Variants in ARRB1 observed in about 807,000 individuals in gnomAD.
The protein encoded by ARRB1 is arrestin beta 1.
A neutral mutation model predicts 56.8 loss-of-function variants in ARRB1; 21 were observed. The ratio of observed to expected loss-of-function variants is 0.37; its 90% CI spans 0.26 to 0.53. ARRB1 has a LOEUF of 0.53. Ranked by LOEUF, ARRB1 falls within the 20% of genes least tolerant of loss-of-function variation. The pLI is 0.88. For synonymous variants in ARRB1, 210 were observed against 218.6 expected (o/e 0.96, Z 0.35); for missense variants, 424 against 553.7 (o/e 0.77, Z 2.35).
At chr11:75,319,867 G>A (rs1267595484) in intron 1 of ARRB1, among the ~76,000 whole-genome samples, 1 of 152,182 alleles carries the variant, frequency 6.6e-6, no homozygotes, top group Non-Finnish European at 1.5e-5. Flanking sequence ...GTGGTGGGGT[G>A]GAGGGTAGCC....
chr11:75,274,066 G>T lies in ARRB1; in HGVS notation c.914+8C>A. 1 of 1,614,138 alleles carries T rather than the reference G, an allele frequency of 6.2e-7. No individual in the cohort carries two copies. The highest frequency in any genetic ancestry group is 8.5e-7 in the Non-Finnish European group (1 of 1,179,974). On this transcript the variant is annotated splice_region_variant and intron_variant, in intron 11 of 15. Transcript: ENST00000420843. Reference sequence around the variant, plus strand: ...TAGGAGCCCAGGGCTAGGAGGGCAGGTCCTCACAGGGTGCTAGAGGCCAAG... The same window carrying T: ...TAGGAGCCCAGGGCTAGGAGGGCAGTTCCTCACAGGGTGCTAGAGGCCAAG...
At chr11:75,287,471 C>T in intron 2 of ARRB1, 96 bp from the exon 3 acceptor site, 1 of 1,244,002 alleles carries the variant, frequency 8.0e-7, no homozygotes, top group East Asian at 2.6e-5. Context: ...CTCTGAAACT[C>T]CAGACCCATC....
intron 1 of ARRB1, among the ~76,000 whole-genome samples, chr11:75,315,848 C>T (rs930930532): frequency 6.6e-6 from 1 of 152,220 alleles, no homozygotes; most frequent in Non-Finnish European, 1.5e-5. Flanking sequence ...GTCAGCAGGG[C>T]TAGAATTTAT....
chr11:75,278,235 TCA>T (rs1946244046), intron 8 of ARRB1, among the ~76,000 whole-genome samples: 1 of 152,136 alleles, frequency 6.6e-6, no homozygotes, highest in Non-Finnish European at 1.5e-5. Flanking sequence ...GCCCTGACGC[TCA>T]GTGTTTGGCA....
At chr11:75,278,114 CGA>C (rs1053250014) in intron 8 of ARRB1, among the ~76,000 whole-genome samples, 4 of 152,212 alleles carry the variant, frequency 2.6e-5, no homozygotes, top group African/African-American at 9.6e-5. Context: ...AGCCATGCCC[CGA>C]GAGAGAGGGG....
chr11:75,284,205 G>T (rs766361272), intron 4 of ARRB1, 30 bp downstream of exon 4: 33 of 1,590,982 alleles, frequency 2.1e-5, no homozygotes, highest in Non-Finnish European at 2.7e-5. Flanking sequence ...GGCGGCCCTT[G>T]ACAGGCTGGG....
intron 1 of ARRB1, among the ~76,000 whole-genome samples, chr11:75,316,602 C>T (rs996298095): frequency 3.9e-5 from 6 of 151,942 alleles, no homozygotes; most frequent in South Asian, 2.1e-4. Flanking sequence ...AACAGCACAA[C>T]GAGAGGGGCT....
intron 1 of ARRB1, among the ~76,000 whole-genome samples, chr11:75,344,954 A>G (rs1243915673): frequency 1.3e-5 from 2 of 152,154 alleles, no homozygotes; most frequent in African/African-American, 2.4e-5. Context: ...GAACCACTGA[A>G]TGGTTCAGAC....
intron 1 of ARRB1, among the ~76,000 whole-genome samples, chr11:75,336,129 G>T (rs1270158841): frequency 6.6e-6 from 1 of 152,148 alleles, no homozygotes; most frequent in Non-Finnish European, 1.5e-5. Context: ...AAGGCAGTGG[G>T]CAGGCACGCT....
At chr11:75,300,713 T>C (rs1441767457) in intron 1 of ARRB1, among the ~76,000 whole-genome samples, 1 of 148,462 alleles carries the variant, frequency 6.7e-6, no homozygotes, top group East Asian at 1.9e-4. Flanking sequence ...ACGCCTGTAA[T>C]CCCAGCACTT....
chr11:75,344,068 C>T (rs191832671), intron 1 of ARRB1, among the ~76,000 whole-genome samples: 13 of 152,276 alleles, frequency 8.5e-5, no homozygotes, highest in African/African-American at 3.1e-4. Context: ...CCACCCGCCT[C>T]GGCCTCCCAA....
intron 1 of ARRB1, among the ~76,000 whole-genome samples, chr11:75,339,135 C>T (rs1947658428): frequency 6.6e-6 from 1 of 152,258 alleles, no homozygotes; most frequent in African/African-American, 2.4e-5. Context: ...GCCCCAAAGC[C>T]TGGAGCTGTT....
At chr11:75,319,168 G>T (rs1351063040) in intron 1 of ARRB1, among the ~76,000 whole-genome samples, 1 of 152,074 alleles carries the variant, frequency 6.6e-6, no homozygotes, top group Admixed American at 6.6e-5. Flanking sequence ...GCTCCAACAG[G>T]TTCAAACCCC....
At chr11:75,341,223 C>T (rs2134993672) in intron 1 of ARRB1, among the ~76,000 whole-genome samples, 1 of 152,124 alleles carries the variant, frequency 6.6e-6, no homozygotes, top group East Asian at 1.9e-4. Flanking sequence ...CTGCAACCTT[C>T]ACCTCCCGGG....
At chr11:75,275,117 A>AT (rs1946167105) in intron 10 of ARRB1, among the ~76,000 whole-genome samples, 5 of 142,668 alleles carry the variant, frequency 3.5e-5, no homozygotes, top group Admixed American at 7.3e-5. Flanking sequence ...AACAAATTTA[A>AT]TTTAAATTTA....
intron 3 of ARRB1, among the ~76,000 whole-genome samples, chr11:75,285,754 GC>G (rs963749142): frequency 1.3e-5 from 2 of 152,182 alleles, no homozygotes; most frequent in African/African-American, 2.4e-5. Flanking sequence ...CTGCTGAACA[GC>G]TCTCAGGGTG....
rs1946223473 is a variant in ARRB1 at position 75,277,349 on chromosome 11, CTCTG to C, written c.703+11_703+14del. The C allele has an allele frequency of 6.2e-7, 1 of 1,612,848 alleles. No homozygotes were observed. The highest frequency in any genetic ancestry group is 1.7e-5 in the Admixed American group (1 of 60,006). Reference sequence around the variant, plus strand: ...CCTCTCGCTGTCCCCTAAGCTGACCCTCTGTCTGGGATACCTGAGATCTTGATCT... The same window carrying C: ...CCTCTCGCTGTCCCCTAAGCTGACCCTCTGGGATACCTGAGATCTTGATCT... On this transcript the variant is annotated intron_variant, in intron 9 of 15. Coordinates refer to ENST00000420843, the MANE Select transcript of ARRB1 (RefSeq NM_004041.5).
In ARRB1 at chr11:75,278,581, C is replaced by T. The variant is rs780978577; in HGVS notation, c.618+28G>A. On this transcript the variant is annotated intron_variant, in intron 8 of 15. Coordinates refer to ENST00000420843, the MANE Select transcript of ARRB1 (RefSeq NM_004041.5). ...GCCCAGGCCCTGGTGGAGCAGCCCC[C>T]ACCCCCTGCCAAGTCCGAGCCTCCT... The T allele has an allele frequency of 5.0e-6, 8 of 1,613,556 alleles. No homozygotes were observed. The South Asian group carries it at 6.6e-5, about 13-fold the overall frequency.
Position 75,284,243 on chromosome 11 carries a change from T to C in ARRB1, c.149A>G (p.Glu50Gly), listed in dbSNP as rs201271362. 6.2e-7 allele frequency: 1 copy of C among 1,609,498 alleles called. No individual in the cohort carries two copies. The highest frequency in any genetic ancestry group is 8.5e-7 in the Non-Finnish European group (1 of 1,176,828). ...VVLVDPEYLK[E>G]RRVYVTLTCA... ...TGGGGGCCACAGCCTACCTCTCCGC[T>C]CTTTGAGATACTCAGGATCCACCAG... is the stretch of plus-strand genomic sequence containing the variant. The change falls in exon 4 of 16, where the codon GAG becomes GGG. Residue 50 changes from glutamate (E) to glycine (G), a missense_variant. By Grantham distance (98) the Glu-to-Gly change is moderately conservative (BLOSUM62 -2). Transcript: ENST00000420843.
Sources: gnomAD v4.1 joint callset for allele counts (sites outside exome capture counted in the v4.1 genomes callset) on GRCh38, gnomAD v4.1.1 for gene constraint, MANE v1.5 for transcripts, NCBI Gene and HGNC (gene_info 2026-07-23, HGNC 2026-07-21) for gene names.